FNIP1: variants seen among roughly 807,000 people sequenced by gnomAD.
FNIP1 encodes the protein folliculin-interacting protein 1.
In FNIP1, 40 loss-of-function variants were observed where a neutral mutation model predicts 124.5. The ratio of observed to expected loss-of-function variants is 0.32; its 90% CI spans 0.25 to 0.42. The LOEUF (loss-of-function observed/expected upper bound fraction) is 0.42. Ranked by LOEUF, FNIP1 falls within the 10% of genes least tolerant of loss-of-function variation. The pLI is 1.00. For synonymous variants in FNIP1, 472 were observed against 470.6 expected (o/e 1.00, Z -0.04); for missense variants, 1,176 against 1,403.7 (o/e 0.84, Z 2.59).
intron 1 of FNIP1, among the ~76,000 whole-genome samples, chr5:131,785,546 G>A (rs564656066): frequency 4.1e-5 from 3 of 73,598 alleles, no homozygotes; most frequent in South Asian, 5.2e-4. Context: ...CAGAGACTCC[G>A]TCTCAAAAAA....
rs150752291 is a variant in FNIP1, at chr5:131,719,392, T to A, written c.380A>T (p.Asn127Ile). 6.2e-7 allele frequency: 1 copy of A among 1,613,360 alleles called. No individual in the cohort carries two copies. The highest frequency in any genetic ancestry group is 8.5e-7 in the Non-Finnish European group (1 of 1,179,800). The part of the protein sequence containing the change: ...YQGSRCSSDA[N>I]MLGEMMFGSV... ...GCCAAACATCATCTCTCCAAGCATA[T>A]TGGCATCAGAAGAGCACCGAGAACC... Residue 127 changes from asparagine (N) to isoleucine (I), a missense_variant, in exon 4 of 18, where the codon AAT (asparagine) becomes ATT (isoleucine). Physicochemically the swap from Asn to Ile is moderately radical, Grantham distance 149 (BLOSUM62 -3). Transcript: ENST00000510461.
At chr5:131,714,971 C>A (rs998288718) in intron 6 of FNIP1, among the ~76,000 whole-genome samples, 1 of 152,074 alleles carries the variant, frequency 6.6e-6, no homozygotes, top group Non-Finnish European at 1.5e-5. Flanking sequence ...GATTGATTGA[C>A]TGATTGATTG....
At chr5:131,730,841 A>G (rs1770058714) in intron 3 of FNIP1, 63 bp downstream of exon 3, 1 of 1,383,476 alleles carries the variant, frequency 7.2e-7, no homozygotes, top group Non-Finnish European at 1.0e-6. Context: ...TCCACAGTCC[A>G]CTGGATGATG....
At chr5:131,795,366 C>A (rs931831783) in intron 1 of FNIP1, among the ~76,000 whole-genome samples, 3 of 152,074 alleles carry the variant, frequency 2.0e-5, no homozygotes, top group Non-Finnish European at 4.4e-5. Context: ...TTTTGAAAAC[C>A]AGACGTGAAA....
At chr5:131,663,676 A>C (rs1767512270) in intron 15 of FNIP1, among the ~76,000 whole-genome samples, 1 of 152,226 alleles carries the variant, frequency 6.6e-6, no homozygotes, top group Non-Finnish European at 1.5e-5. Flanking sequence ...TCTACAGCCA[A>C]TAGATTCTAG....
chr5:131,750,728 C>A (rs1274495505), intron 1 of FNIP1, among the ~76,000 whole-genome samples: 1 of 151,760 alleles, frequency 6.6e-6, no homozygotes, highest in African/African-American at 2.4e-5. Flanking sequence ...CTCTTGTGCC[C>A]CAGCCTCCCA....
chr5:131,790,478 C>CAAAAAAAAAAAAAA lies in FNIP1; in HGVS notation c.92+6338_92+6351dup. 2.8e-5 allele frequency among the ~76,000 whole-genome samples: 2 copies of CAAAAAAAAAAAAAA among 70,594 alleles called. 1 individual carries two copies. The highest frequency in any genetic ancestry group is 5.5e-5 in the Non-Finnish European group (2 of 36,050). The allele number at this position is 70,594 out of a possible 152,430, so 46.3% of individuals were successfully genotyped here. A position where few individuals can be genotyped will look rare whatever the true frequency, so the allele number is the denominator to read the frequency against. On this transcript the variant is annotated intron_variant, in intron 1 of 17. Coordinates refer to ENST00000510461, the MANE Select transcript of FNIP1 (RefSeq NM_133372.3). ...TGGGCGATAGAGCAAGAACCTGTCTCAAAAAAAAAAAAAAAAAAAAAAAAG... is the reference window on the plus strand; with the variant it reads ...TGGGCGATAGAGCAAGAACCTGTCTCAAAAAAAAAAAAAAAAAAAAAAAAAAAAAAAAAAAAAAG...
chr5:131,685,816 T>A (rs1257515856), intron 11 of FNIP1, among the ~76,000 whole-genome samples: 1 of 142,178 alleles, frequency 7.0e-6, no homozygotes, highest in Non-Finnish European at 1.6e-5. Flanking sequence ...AAAAAAAAAA[T>A]TCCAACTGTA....
chr5:131,730,704 A>G (rs1770053352), intron 3 of FNIP1, among the ~76,000 whole-genome samples, 200 bp downstream of exon 3: 1 of 152,238 alleles, frequency 6.6e-6, no homozygotes, highest in South Asian at 2.1e-4. Flanking sequence ...TACTCATGCA[A>G]TCTATGCCTA....
In FNIP1 at chr5:131,672,911, G is replaced by A. The variant is rs757122607; in HGVS notation, c.1533C>T (p.Gly511=). Residue 511 remains glycine, a synonymous_variant, in exon 14 of 18, where the codon GGC becomes GGT. Transcript: ENST00000510461. ...PLWAQLGDLY[G]AIGSPVRLAR... ...CTAACCGTACGGGAGAGCCAATAGC[G>A]CCATACAAGTCTCCTGTAATGGAAA... is the stretch of plus-strand genomic sequence containing the variant. 27 of 1,544,744 alleles carry A rather than the reference G, an allele frequency of 1.7e-5. No individual in the cohort carries two copies. Among genetic ancestry groups the A allele is most frequent in the South Asian group, 8.8e-5 (7 of 79,266 alleles).
Position 131,642,780 on chromosome 5 carries a change from G to C in FNIP1, c.*1905C>G, listed in dbSNP as rs1179532537. On this transcript the variant is annotated 3_prime_UTR_variant, in exon 18 of 18. Coordinates refer to ENST00000510461, the MANE Select transcript of FNIP1 (RefSeq NM_133372.3). ...CAGCTACTTGGGGGCTGAGGCAGGA[G>C]AATCACTTGAACTGGGAGGCGGAGG... The C allele has an allele frequency of 6.9e-6, 1 of 144,226 alleles. No homozygotes were observed. Among genetic ancestry groups the C allele is most frequent in the Non-Finnish European group, 1.5e-5 (1 of 67,192 alleles). The allele number at this position is 144,226 out of a possible 1,614,324, so 8.9% of individuals were successfully genotyped here. A position where few individuals can be genotyped will look rare whatever the true frequency, so the allele number is the denominator to read the frequency against.
intron 15 of FNIP1, among the ~76,000 whole-genome samples, chr5:131,661,220 T>TTGTGTGTGTG (rs370206265): frequency 2.0e-5 from 3 of 147,636 alleles, no homozygotes; most frequent in African/African-American, 7.6e-5. Flanking sequence ...TGTCTTTGTT[T>TTGTGTGTGTG]TGTGTGTGTG....
At chr5:131,759,734 C>T (rs1771163043) in intron 1 of FNIP1, among the ~76,000 whole-genome samples, 1 of 152,156 alleles carries the variant, frequency 6.6e-6, no homozygotes, top group African/African-American at 2.4e-5. Context: ...CAATTCATTA[C>T]TGGGTATATA....
At chr5:131,691,301 T>C (rs1475946951) in intron 11 of FNIP1, among the ~76,000 whole-genome samples, 1 of 152,200 alleles carries the variant, frequency 6.6e-6, no homozygotes, top group Non-Finnish European at 1.5e-5. Flanking sequence ...TTGAACTAAA[T>C]GTGAATTCAA....
At chr5:131,785,018 GATATATATGACATA>G (rs1772123375) in intron 1 of FNIP1, among the ~76,000 whole-genome samples, 7 of 12,588 alleles carry the variant, frequency 5.6e-4, no homozygotes. Context: ...CTATATATAT[GATATATATGACATA>G]TATATGATAT....
At chr5:131,787,819 A>T (rs1395811575) in intron 1 of FNIP1, among the ~76,000 whole-genome samples, 1 of 152,188 alleles carries the variant, frequency 6.6e-6, no homozygotes, top group African/African-American at 2.4e-5. Flanking sequence ...AATTTAGAAG[A>T]ACAGTGTGGG....
chr5:131,670,341 A>C, intron 15 of FNIP1, 122 bp downstream of exon 15: 1 of 770,134 alleles, frequency 1.3e-6, no homozygotes, highest in East Asian at 2.9e-5. Flanking sequence ...ATATAAAATG[A>C]TGGATTCAGA....
intron 15 of FNIP1, among the ~76,000 whole-genome samples, chr5:131,658,596 A>G (rs1055762499): frequency 4.6e-5 from 7 of 152,148 alleles, no homozygotes; most frequent in Admixed American, 2.0e-4. Flanking sequence ...AAAGTAAAAC[A>G]AAATAAAAAA....
At chr5:131,682,396 A>T (rs1380693516) in intron 11 of FNIP1, among the ~76,000 whole-genome samples, 1 of 152,158 alleles carries the variant, frequency 6.6e-6, no homozygotes, top group African/African-American at 2.4e-5. Context: ...TTCTCACTAT[A>T]TACAACTCTA....
Sources: allele counts gnomAD v4.1 joint callset (sites outside exome capture counted in the v4.1 genomes callset), GRCh38; gene constraint gnomAD v4.1.1; transcripts MANE v1.5; gene names NCBI Gene and HGNC (gene_info 2026-07-23, HGNC 2026-07-21).